The following CCDC60 variants were observed in gnomAD, a reference collection of about 807,000 sequenced individuals.
CCDC60 encodes the protein coiled-coil domain-containing protein 60.
Under a neutral mutation model 63.5 loss-of-function variants are expected in CCDC60, and 54 were observed. That is an observed-to-expected ratio of 0.85 (90% confidence interval 0.68 to 1.07). The LOEUF (loss-of-function observed/expected upper bound fraction) is 1.07. Among genes scored for constraint, CCDC60 ranks in the 50% least tolerant of loss-of-function variants. The pLI is 0.00. For synonymous variants in CCDC60, 206 were observed against 238.8 expected, an observed-to-expected ratio of 0.86 and a Z score of 1.27; for missense variants, 651 against 684.3, an observed-to-expected ratio of 0.95 and a Z score of 0.54.
intron 1 of CCDC60, among the ~76,000 whole-genome samples, chr12:119,402,010 T>C (rs1956401179): frequency 1.3e-5 from 2 of 152,204 alleles, no homozygotes; most frequent in Non-Finnish European, 2.9e-5. Flanking sequence ...GGCTCTGTCC[T>C]AAGAACTTTA....
rs1952483117 is a variant in CCDC60, at chr12:119,520,113, C to T, written c.969-8C>T. ...GCGCCTTGTTAAAGGACTCATTTTG[C>T]CTTGCAGCATCTTGTCAGTGCTGAA... On this transcript the variant is annotated splice_polypyrimidine_tract_variant and splice_region_variant and intron_variant, in intron 8 of 13. Coordinates refer to ENST00000327554, the MANE Select transcript of CCDC60 (RefSeq NM_178499.5). 2 of 1,612,774 alleles carry T rather than the reference C, an allele frequency of 1.2e-6. 1 individual carries two copies.
intron 4 of CCDC60, among the ~76,000 whole-genome samples, chr12:119,487,329 G>T (rs1266826474): frequency 1.4e-5 from 2 of 144,858 alleles, no homozygotes; most frequent in Admixed American, 7.0e-5. Context: ...ATGAAGTCTT[G>T]CTCTGTCACC....
chr12:119,447,844 T>G (rs1283105009), intron 2 of CCDC60: 1 of 152,250 alleles, frequency 6.6e-6, no homozygotes, highest in African/African-American at 2.4e-5. Flanking sequence ...AGGTGGAGGT[T>G]GCAGTGAGCT....
intron 2 of CCDC60, among the ~76,000 whole-genome samples, chr12:119,445,624 G>A (rs909725489): frequency 3.3e-5 from 5 of 151,950 alleles, no homozygotes; most frequent in Non-Finnish European, 5.9e-5. Context: ...TGATGTCATC[G>A]TGCCTGCAGT....
At chr12:119,448,740 C>T (rs1950583268) in intron 2 of CCDC60, among the ~76,000 whole-genome samples, 1 of 152,058 alleles carries the variant, frequency 6.6e-6, no homozygotes, top group African/African-American at 2.4e-5. Flanking sequence ...ATTCTCTTTC[C>T]AGTGAGCTTC....
At chr12:119,526,957 A>G (rs1049740630) in intron 11 of CCDC60, among the ~76,000 whole-genome samples, 16 of 152,218 alleles carry the variant, frequency 1.1e-4, no homozygotes, top group African/African-American at 3.9e-4. Context: ...ATAAAGACAC[A>G]TGCATGTGAA....
chr12:119,472,815 T>C (rs796437544), intron 3 of CCDC60, among the ~76,000 whole-genome samples: 29 of 152,112 alleles, frequency 1.9e-4, no homozygotes, highest in African/African-American at 6.5e-4. Context: ...ACTGCTGACC[T>C]TGTGGTCTGC....
intron 7 of CCDC60, among the ~76,000 whole-genome samples, chr12:119,512,260 C>T (rs1952232708): frequency 6.6e-6 from 1 of 152,212 alleles, no homozygotes; most frequent in African/African-American, 2.4e-5. Context: ...GTATTGTCAT[C>T]GTTCATCGAT....
chr12:119,432,810 C>T lies in CCDC60; in HGVS notation c.170+4048C>T, dbSNP rs141257426. The stretch of plus-strand genomic sequence containing the variant: ...TGTATATCTATAATTGCAAACCGAT[C>T]GTTAAACACAGCTATTATTAGAAAT... On this transcript the variant is annotated intron_variant, in intron 2 of 13. Coordinates refer to ENST00000327554, the MANE Select transcript of CCDC60 (RefSeq NM_178499.5). Among the ~76,000 whole-genome samples, 1,344 of 152,224 alleles carry T rather than the reference C, an allele frequency of 8.8e-3. 22 individuals are homozygous for T. Among genetic ancestry groups the T allele is most frequent in the African/African-American group, 0.03 (1,261 of 41,512 alleles).
intron 4 of CCDC60, among the ~76,000 whole-genome samples, chr12:119,483,449 T>G (rs1951371230): frequency 6.6e-6 from 1 of 152,160 alleles, no homozygotes. Context: ...AAGGGAGTGG[T>G]CTCTAGGAAT....
chr12:119,528,588 C>T, intron 11 of CCDC60, 27 bp from the exon 12 acceptor site: 1 of 1,600,170 alleles, frequency 6.2e-7, no homozygotes, highest in East Asian at 2.2e-5. Context: ...TCTCATTCTT[C>T]TCTCTCTTTC....
In CCDC60 at chr12:119,479,179, C is replaced by T; in HGVS notation, c.427C>T (p.Pro143Ser). 6.2e-7 allele frequency: 1 copy of T among 1,613,846 alleles called. No individual in the cohort carries two copies. Among genetic ancestry groups the T allele is most frequent in the Non-Finnish European group, 8.5e-7 (1 of 1,179,800 alleles). The change falls in exon 4 of 14, where the codon CCC (proline) becomes TCC (serine). Residue 143 changes from proline (P) to serine (S), a missense_variant. Physicochemically the swap from Pro to Ser is moderately conservative, Grantham distance 74 (BLOSUM62 -1). Transcript: ENST00000327554. The stretch of plus-strand genomic sequence containing the variant: ...TCCCATCCACAGCTGCATCATTTCT[C>T]CCTCGCTAACCGAGGCTCACGTGTA... ...FTPIHSCIIS[P>S]SLTEAHVEPL...
chr12:119,462,037 T>C (rs1042579767), intron 2 of CCDC60, among the ~76,000 whole-genome samples: 2 of 152,234 alleles, frequency 1.3e-5, no homozygotes, highest in Non-Finnish European at 2.9e-5. Flanking sequence ...CACATTCATC[T>C]GTCACTCAGG....
rs953338782 is a variant in CCDC60, at chr12:119,420,450, A to G, written c.91-8233A>G. Among the ~76,000 whole-genome samples the G allele has an allele frequency of 6.6e-6, 1 of 152,184 alleles. No homozygotes were observed. Among genetic ancestry groups the G allele is most frequent in the African/African-American group, 2.4e-5 (1 of 41,454 alleles). ...CATTATGTTAAGTGTGTTAAGTGAA[A>G]CAAGCCAGACACAGAAAGACAAACA... is the stretch of plus-strand genomic sequence containing the variant. On this transcript the variant is annotated intron_variant, in intron 1 of 13. Transcript: ENST00000327554. This position sits in a 1 kb window ranked among gnomAD's most constrained non-coding sequence, Gnocchi z 4.1.
At chr12:119,491,572 C>T (rs1951584944) in intron 5 of CCDC60, among the ~76,000 whole-genome samples, 1 of 152,178 alleles carries the variant, frequency 6.6e-6, no homozygotes, top group South Asian at 2.1e-4. Flanking sequence ...TCGTGATCTG[C>T]CCACCTCAGC....
intron 3 of CCDC60, 47 bp from the exon 4 acceptor site, chr12:119,479,047 G>A: frequency 1.5e-6 from 2 of 1,350,616 alleles, no homozygotes; most frequent in East Asian, 2.3e-5. Flanking sequence ...GGTGTTCAAA[G>A]CTACTGCTCA....
intron 1 of CCDC60, among the ~76,000 whole-genome samples, chr12:119,371,096 CA>C (rs1047535764): frequency 6.6e-6 from 1 of 152,154 alleles, no homozygotes; most frequent in Non-Finnish European, 1.5e-5. Context: ...CCTAATGCCT[CA>C]GCGATTGGAT....
chr12:119,400,264 T>C (rs1956367985), intron 1 of CCDC60, among the ~76,000 whole-genome samples: 1 of 152,194 alleles, frequency 6.6e-6, no homozygotes, highest in African/African-American at 2.4e-5. Flanking sequence ...TTAGCCAGGA[T>C]GGTCTCGATC....
intron 1 of CCDC60, among the ~76,000 whole-genome samples, chr12:119,393,339 G>C (rs1220752050): frequency 6.6e-6 from 1 of 152,182 alleles, no homozygotes; most frequent in African/African-American, 2.4e-5. Flanking sequence ...GGAGGAGGGG[G>C]AAAATGCATT....
Sources: allele counts gnomAD v4.1 joint callset (sites outside exome capture counted in the v4.1 genomes callset), GRCh38; gene constraint gnomAD v4.1.1; non-coding constraint Gnocchi (gnomAD v3.1); transcripts MANE v1.5; gene names NCBI Gene and HGNC (gene_info 2026-07-23, HGNC 2026-07-21).